CDKAL1: variants seen among roughly 807,000 people sequenced by gnomAD.
The protein encoded by CDKAL1 is CDKAL1 threonylcarbamoyladenosine tRNA methylthiotransferase, also known as threonylcarbamoyladenosine tRNA methylthiotransferase.
Under a neutral mutation model 68.2 loss-of-function variants are expected in CDKAL1, and 32 were observed. That is an observed-to-expected ratio of 0.47 (90% CI 0.35 to 0.63). The LOEUF (loss-of-function observed/expected upper bound fraction) is 0.63. Ranked by LOEUF, CDKAL1 falls within the 30% of genes least tolerant of loss-of-function variation. The probability of loss-of-function intolerance (pLI) is 0.00; values close to 1 mark genes in which losing one functional copy is unlikely to be tolerated. For missense variants in CDKAL1, 606 were observed against 696.7 expected, an observed-to-expected ratio of 0.87 and a Z score of 1.47; for synonymous variants, 234 against 244.3, an observed-to-expected ratio of 0.96 and a Z score of 0.39.
intron 13 of CDKAL1, among the ~76,000 whole-genome samples, chr6:21,183,041 A>T (rs1324366807): frequency 2.0e-5 from 3 of 152,046 alleles, no homozygotes; most frequent in Non-Finnish European, 2.9e-5. Flanking sequence ...AATTTTTCTT[A>T]TCCTTTTGAA....
rs752777661 is a variant in CDKAL1 at position 20,596,682 on chromosome 6, C to T, written c.286+47977C>T. ...TCCAGGAGAGTGAATGGTTCTTTCT[C>T]GCTTGCATTCTAGGCGCCACTAGGG... On this transcript the variant is annotated intron_variant, in intron 4 of 15. Transcript: ENST00000274695. Among the ~76,000 whole-genome samples the T allele has an allele frequency of 1.2e-4, 19 of 152,158 alleles. 1 individual carries two copies. The highest frequency in any genetic ancestry group is 4.1e-4 in the African/African-American group (17 of 41,430).
intron 11 of CDKAL1, among the ~76,000 whole-genome samples, chr6:21,003,521 G>A (rs1268229131): frequency 2.0e-5 from 3 of 148,378 alleles, no homozygotes; most frequent in East Asian, 4.0e-4. Context: ...AGCTGAGATC[G>A]TGCCACTGCA....
chr6:21,058,776 G>C (rs1013854507), intron 11 of CDKAL1, among the ~76,000 whole-genome samples: 3 of 152,212 alleles, frequency 2.0e-5, no homozygotes, highest in Non-Finnish European at 4.4e-5. Context: ...ATGGCTGCCT[G>C]CTCCTTCATC....
chr6:20,535,778 T>G (rs1353154552), intron 2 of CDKAL1, among the ~76,000 whole-genome samples: 1 of 152,206 alleles, frequency 6.6e-6, no homozygotes, highest in Admixed American at 6.6e-5. Flanking sequence ...TTTCTTCCCC[T>G]CTGGGTGATG....
intron 11 of CDKAL1, among the ~76,000 whole-genome samples, chr6:21,045,616 G>A (rs998793109): frequency 6.6e-6 from 1 of 152,158 alleles, no homozygotes; most frequent in African/African-American, 2.4e-5. Context: ...ATTTTTCCTA[G>A]ATTTCTTTCC....
At chr6:20,600,789 C>CACACATATATATATATATATATATATAT (rs1766060485) in intron 4 of CDKAL1, among the ~76,000 whole-genome samples, 21 of 130,480 alleles carry the variant, frequency 1.6e-4, no homozygotes, top group African/African-American at 5.3e-4. Context: ...TATATATATA[C>CACACATATATATATATATATATATATAT]ACACACACAC....
intron 12 of CDKAL1, among the ~76,000 whole-genome samples, chr6:21,096,487 A>C (rs1773322473): frequency 6.6e-6 from 1 of 152,230 alleles, no homozygotes; most frequent in Non-Finnish European, 1.5e-5. Flanking sequence ...AAAGGAAGAG[A>C]AATACTTAAT....
At position 20,661,726 on chromosome 6, in the gene CDKAL1, T is replaced by C. The variant is rs188059350; in HGVS notation, c.371+12349T>C. 2.1e-3 allele frequency among the ~76,000 whole-genome samples: 324 copies of C among 152,322 alleles called. 1 individual carries two copies. The highest frequency in any genetic ancestry group is 0.011 in the South Asian group (51 of 4,828). On this transcript the variant is annotated intron_variant, in intron 5 of 15. Transcript: ENST00000274695. ...AATGCAAAACTGAGTTTTGTAGATA[T>C]CCAAAATCTTTTTGAAGACTAGTAT...
chr6:21,012,697 G>T (rs1411059855), intron 11 of CDKAL1, among the ~76,000 whole-genome samples: 2 of 152,158 alleles, frequency 1.3e-5, no homozygotes, highest in Non-Finnish European at 1.5e-5. Context: ...CCATCTGATG[G>T]CCCCTGGCTT....
rs1005852788 is a variant in CDKAL1 at position 21,153,241 on chromosome 6, T to C, written c.1299+44778T>C. On this transcript the variant is annotated intron_variant, in intron 13 of 15. Transcript: ENST00000274695. Reference sequence around the variant, plus strand: ...GGGTAGAGGTATGTGATTTCTTTTTTTTTTTTTTTTTTTTTTTAATCGTTA... The same window carrying C: ...GGGTAGAGGTATGTGATTTCTTTTTCTTTTTTTTTTTTTTTTTAATCGTTA... Among the ~76,000 whole-genome samples the C allele has an allele frequency of 1.3e-4, 20 of 148,170 alleles. 1 individual carries two copies. Among genetic ancestry groups the C allele is most frequent in the Non-Finnish European group, 1.6e-4 (11 of 67,170 alleles).
intron 13 of CDKAL1, among the ~76,000 whole-genome samples, chr6:21,122,803 G>GTTTTTT (rs66935416): frequency 9.5e-6 from 1 of 105,804 alleles, no homozygotes; most frequent in Non-Finnish European, 1.9e-5. Context: ...CCCCAGTTAG[G>GTTTTTT]TTTTTTTTTT....
chr6:21,201,798 G>C (rs771986950), intron 15 of CDKAL1, among the ~76,000 whole-genome samples: 2 of 151,978 alleles, frequency 1.3e-5, no homozygotes, highest in Admixed American at 1.3e-4. Flanking sequence ...AAAGTAACCT[G>C]ACCCCTATTT....
At position 20,669,530 on chromosome 6, in the gene CDKAL1, G is replaced by A. The variant is rs368341318; in HGVS notation, c.371+20153G>A. Among the ~76,000 whole-genome samples, 14 of 152,208 alleles carry A rather than the reference G, an allele frequency of 9.2e-5. No homozygotes were observed. The East Asian group carries it at 2.5e-3, about 27-fold the overall frequency. ...TGTCGTTTGTTTTCTTATTGAGTGA[G>A]GATTTTAATGACAAGCTATGGAACT... On this transcript the variant is annotated intron_variant, in intron 5 of 15. Coordinates refer to ENST00000274695, the MANE Select transcript of CDKAL1 (RefSeq NM_017774.3).
At chr6:21,023,454 T>TG (rs1482382348) in intron 11 of CDKAL1, among the ~76,000 whole-genome samples, 1 of 152,194 alleles carries the variant, frequency 6.6e-6, no homozygotes, top group Non-Finnish European at 1.5e-5. Context: ...GAATTGCCTT[T>TG]GTGTTCTTTC....
chr6:21,134,678 G>C (rs1775494300), intron 13 of CDKAL1, among the ~76,000 whole-genome samples: 4 of 152,022 alleles, frequency 2.6e-5, no homozygotes, highest in African/African-American at 9.7e-5. Context: ...GTAAACTACA[G>C]CTTCTGCTTG....
chr6:21,057,254 GTGTA>G (rs1561995105), intron 11 of CDKAL1, among the ~76,000 whole-genome samples: 1 of 152,104 alleles, frequency 6.6e-6, no homozygotes, highest in Admixed American at 6.5e-5. Flanking sequence ...TCTTGGGAGG[GTGTA>G]TGTGTCCAGG....
chr6:21,027,020 T>G (rs1582054146), intron 11 of CDKAL1, among the ~76,000 whole-genome samples: 3 of 152,238 alleles, frequency 2.0e-5, no homozygotes, highest in Admixed American at 2.0e-4. Flanking sequence ...CTCATGGTCC[T>G]CCCTTCTAGG....
chr6:21,226,974 T>C (rs1562131894), intron 15 of CDKAL1, among the ~76,000 whole-genome samples: 1 of 152,262 alleles, frequency 6.6e-6, no homozygotes, highest in Admixed American at 6.5e-5. Flanking sequence ...CCCAAAGTGC[T>C]GGGATTGTAG....
At chr6:20,677,668 G>A (rs78397147) in intron 5 of CDKAL1, among the ~76,000 whole-genome samples, 3 of 151,966 alleles carry the variant, frequency 2.0e-5, no homozygotes, top group Admixed American at 2.0e-4. Flanking sequence ...TGCCCACTTC[G>A]GCCTCCCAAA....
Sources: allele counts gnomAD v4.1 joint callset (sites outside exome capture counted in the v4.1 genomes callset), GRCh38; gene constraint gnomAD v4.1.1; transcripts MANE v1.5; gene names NCBI Gene and HGNC (gene_info 2026-07-23, HGNC 2026-07-21).